Variants in MRC1 observed in about 807,000 individuals in gnomAD.
MRC1 encodes mannose receptor C-type 1.
MRC1 carries 62 observed loss-of-function variants against 102.9 expected under a neutral mutation model. The ratio of observed to expected loss-of-function variants is 0.60; its 90% CI spans 0.49 to 0.74. The LOEUF (loss-of-function observed/expected upper bound fraction) is 0.74. MRC1 is among the 30% of genes least tolerant of loss of function. The pLI is 0.00. For missense variants in MRC1, 1,237 were observed against 862.8 expected, an observed-to-expected ratio of 1.43 and a Z score of -5.43; for synonymous variants, 457 against 298.4, an observed-to-expected ratio of 1.53 and a Z score of -5.48.
rs782442826 is a variant in MRC1, at chr10:17,823,154, G to A, written c.142G>A (p.Ala48Thr). 1.3e-6 allele frequency: 1 copy of A among 780,716 alleles called. No homozygotes were observed. Among genetic ancestry groups the A allele is most frequent in the African/African-American group, 1.7e-5 (1 of 59,126 alleles). The allele number at this position is 780,716 out of a possible 1,614,324, so 48.4% of individuals were successfully genotyped here. A position where few individuals can be genotyped will look rare whatever the true frequency, so the allele number is the denominator to read the frequency against. ...GAGTCCCAGTGCCGTCCAAACCGCA[G>A]CTTGCAACCAGGATGCCGAATCACA... is the stretch of plus-strand genomic sequence containing the variant. ...AVSPSAVQTAACNQDAESQKF... is the reference protein window; with the variant it reads ...AVSPSAVQTATCNQDAESQKF... Residue 48 changes from alanine (A) to threonine (T), a missense_variant, in exon 2 of 30, where the codon GCT becomes ACT. Physicochemically the swap from Ala to Thr is moderately conservative, Grantham distance 58. Transcript: ENST00000569591.
At chr10:17,812,384 G>C (rs1192431279) in intron 1 of MRC1, among the ~76,000 whole-genome samples, 1 of 152,106 alleles carries the variant, frequency 6.6e-6, no homozygotes, top group African/African-American at 2.4e-5. Flanking sequence ...TTGGCTCACA[G>C]GTAGTGGTGT....
At chr10:17,826,977 A>G (rs1234523914) in intron 2 of MRC1, among the ~76,000 whole-genome samples, 2 of 152,086 alleles carry the variant, frequency 1.3e-5, no homozygotes, top group Non-Finnish European at 2.9e-5. Context: ...ATTATTGACT[A>G]TGTGTTTGGG....
intron 25 of MRC1, among the ~76,000 whole-genome samples, chr10:17,901,513 AC>A (rs1426617363): frequency 1.3e-5 from 2 of 152,002 alleles, no homozygotes; most frequent in Non-Finnish European, 2.9e-5. Flanking sequence ...ACATGGTGAA[AC>A]CCCTTCTCTA....
At chr10:17,825,759 T>G (rs960813512) in intron 2 of MRC1, among the ~76,000 whole-genome samples, 7 of 152,106 alleles carry the variant, frequency 4.6e-5, no homozygotes, top group Non-Finnish European at 4.4e-5. Context: ...AATAAAGCTA[T>G]ATGTCATTGG....
intron 16 of MRC1, 65 bp from the exon 17 acceptor site, chr10:17,875,025 T>C: frequency 1.3e-6 from 1 of 780,464 alleles, no homozygotes; most frequent in Non-Finnish European, 2.4e-6. Flanking sequence ...CTTTGTGTGC[T>C]GTACACACCA....
Position 17,856,337 on chromosome 10 carries a change from A to G in MRC1, c.1503A>G (p.Glu501=). The part of the protein sequence containing the change: ...RSQGPEIVEV[E]KGCRKGWKKH... Reference sequence around the variant, plus strand: ...AAGGTCCAGAAATAGTGGAAGTCGAAAAAGGCTGCAGGAAAGTGAGTGCAC... The same window carrying G: ...AAGGTCCAGAAATAGTGGAAGTCGAGAAAGGCTGCAGGAAAGTGAGTGCAC... Residue 501 remains glutamate (E), a synonymous_variant, in exon 9 of 30, where the codon GAA becomes GAG. Coordinates refer to ENST00000569591, the MANE Select transcript of MRC1 (RefSeq NM_002438.4). 1 of 854,840 alleles carries G rather than the reference A, an allele frequency of 1.2e-6. No homozygotes were observed. Among genetic ancestry groups the G allele is most frequent in the South Asian group, 1.4e-5 (1 of 73,144 alleles). 53.0% of individuals were successfully genotyped at this position (854,840 alleles called of 1,614,324 possible).
intron 3 of MRC1, among the ~76,000 whole-genome samples, chr10:17,830,618 G>C (rs1049611691): frequency 2.6e-5 from 4 of 151,306 alleles, no homozygotes; most frequent in African/African-American, 7.4e-5. Context: ...GAAAATTCTT[G>C]GTTCTCTCAG....
intron 26 of MRC1, among the ~76,000 whole-genome samples, chr10:17,902,536 A>G (rs1206922801): frequency 6.6e-6 from 1 of 152,234 alleles, no homozygotes; most frequent in Non-Finnish European, 1.5e-5. Context: ...TAAAACTCAA[A>G]TAGACACCAC....
chr10:17,830,808 G>A (rs957169816), intron 3 of MRC1, among the ~76,000 whole-genome samples: 2 of 151,148 alleles, frequency 1.3e-5, no homozygotes, highest in African/African-American at 2.5e-5. Context: ...TCCTTCTTAC[G>A]TCATTTATGT....
At chr10:17,901,447 G>A (rs879188022) in intron 25 of MRC1, among the ~76,000 whole-genome samples, 6 of 152,198 alleles carry the variant, frequency 3.9e-5, no homozygotes, top group East Asian at 1.9e-4. Flanking sequence ...CCAGCACTTC[G>A]GGAGGCCGAG....
At chr10:17,853,918 T>C (rs1039081272) in intron 8 of MRC1, among the ~76,000 whole-genome samples, 3 of 152,206 alleles carry the variant, frequency 2.0e-5, no homozygotes, top group Non-Finnish European at 4.4e-5. Flanking sequence ...ATAAGAGCTG[T>C]ACTTAGCTCA....
intron 12 of MRC1, among the ~76,000 whole-genome samples, chr10:17,869,389 T>C (rs2130674020): frequency 6.6e-6 from 1 of 152,318 alleles, no homozygotes; most frequent in Non-Finnish European, 1.5e-5. Flanking sequence ...GAAGGTTGTC[T>C]TCGGCTGCTT....
intron 1 of MRC1, among the ~76,000 whole-genome samples, chr10:17,817,264 A>AG (rs1340371111): frequency 6.6e-6 from 1 of 151,714 alleles, no homozygotes; most frequent in Non-Finnish European, 1.5e-5. Flanking sequence ...AAAAAAAAAA[A>AG]AAAGAAAGAA....
chr10:17,851,455 C>G (rs1402915979), intron 7 of MRC1, among the ~76,000 whole-genome samples: 5 of 152,116 alleles, frequency 3.3e-5, no homozygotes, highest in South Asian at 4.1e-4. Flanking sequence ...ACATTAAGAC[C>G]TATACACGTA....
rs962605179 is a variant in MRC1 at position 17,823,220 on chromosome 10, G to A, written c.208G>A (p.Ala70Thr). ...WVSESQIMSV[A>T]FKLCLGVPSK... ...GTCCGAATCTCAGATTATGAGTGTT[G>A]CATTTAAATTATGCCTGGGAGTGCC... The change falls in exon 2 of 30, where the codon GCA (alanine) becomes ACA (threonine). Residue 70 changes from alanine to threonine, a missense_variant. Physicochemically the swap from Ala to Thr is moderately conservative, Grantham distance 58. Transcript: ENST00000569591. 3.3e-5 allele frequency: 26 copies of A among 780,692 alleles called. No homozygotes were observed. The highest frequency in any genetic ancestry group is 2.2e-4 in the Middle Eastern group (1 of 4,458). 48.4% of individuals were successfully genotyped at this position (780,692 alleles called of 1,614,324 possible). A position where few individuals can be genotyped will look rare whatever the true frequency, so the allele number is the denominator to read the frequency against.
At chr10:17,891,305 T>A (rs1833671796) in intron 22 of MRC1, among the ~76,000 whole-genome samples, 1 of 151,794 alleles carries the variant, frequency 6.6e-6, no homozygotes, top group African/African-American at 2.4e-5. Flanking sequence ...TAGCTGGGAC[T>A]ACAGGCGCCC....
intron 2 of MRC1, among the ~76,000 whole-genome samples, chr10:17,826,245 C>T (rs896500104): frequency 4.3e-4 from 65 of 152,182 alleles, no homozygotes; most frequent in African/African-American, 1.5e-3. Flanking sequence ...CTCTGTCACC[C>T]AGGCTGGAGT....
At position 17,813,701 on chromosome 10, in the gene MRC1, T is replaced by TATATATATATATATATA. The variant is rs199643443; in HGVS notation, c.61+4175_61+4176insATATATATATATATATA. The stretch of plus-strand genomic sequence containing the variant: ...CACACATTATATATATATATATATA[T>TATATATATATATATATA]TTTTTTTTTTTTTTGAGACAGGGTC... On this transcript the variant is annotated intron_variant, in intron 1 of 29. Coordinates refer to ENST00000569591, the MANE Select transcript of MRC1 (RefSeq NM_002438.4). 5.6e-5 allele frequency among the ~76,000 whole-genome samples: 6 copies of TATATATATATATATATA among 107,290 alleles called. No homozygotes were observed. The East Asian group carries it at 9.4e-4, about 17-fold the overall frequency. The allele number at this position is 107,290 out of a possible 152,430, so 70.4% of individuals were successfully genotyped here.
chr10:17,833,819 A>T lies in MRC1; in HGVS notation c.782A>T (p.His261Leu). Residue 261 changes from histidine (H) to leucine (L), a missense_variant, in exon 4 of 30, where the codon CAT (histidine) becomes CTT (leucine). Physicochemically the swap from His to Leu is moderately conservative, Grantham distance 99 (BLOSUM62 -3). Transcript: ENST00000569591. Reference protein sequence around the residue: ...NAELLSITEIHEQTYLTGLTS... With the variant: ...NAELLSITEILEQTYLTGLTS... ...GAGCTCCTGAGCATCACAGAGATTC[A>T]TGAGCAAACATACCTGACAGGTAAG... is the stretch of plus-strand genomic sequence containing the variant. 2.6e-6 allele frequency: 2 copies of T among 781,102 alleles called. No homozygotes were observed. Among genetic ancestry groups the T allele is most frequent in the Non-Finnish European group, 4.8e-6 (2 of 418,144 alleles). 48.4% of individuals were successfully genotyped at this position (781,102 alleles called of 1,614,324 possible). A position where few individuals can be genotyped will look rare whatever the true frequency, so the allele number is the denominator to read the frequency against.
Sources: allele counts gnomAD v4.1 joint callset (sites outside exome capture counted in the v4.1 genomes callset), GRCh38; gene constraint gnomAD v4.1.1; transcripts MANE v1.5; gene names NCBI Gene and HGNC (gene_info 2026-07-23, HGNC 2026-07-21).